The following ATF7IP2 variants were observed in gnomAD, a reference collection of about 807,000 sequenced individuals.
ATF7IP2 encodes activating transcription factor 7-interacting protein 2.
A neutral mutation model predicts 64.2 loss-of-function variants in ATF7IP2; 42 were observed. The ratio of observed to expected loss-of-function variants is 0.65; its 90% CI spans 0.51 to 0.85. ATF7IP2 has a LOEUF of 0.85. Ranked by LOEUF, ATF7IP2 falls within the 40% of genes least tolerant of loss-of-function variation. ATF7IP2 has a pLI of 0.00. For synonymous variants in ATF7IP2, 308 were observed against 272.8 expected (o/e 1.13, Z -1.27); for missense variants, 933 against 784.2 (o/e 1.19, Z -2.27).
At chr16:10,441,427 C>G (rs1352342617) in intron 8 of ATF7IP2, among the ~76,000 whole-genome samples, 2 of 152,134 alleles carry the variant, frequency 1.3e-5, no homozygotes, top group Admixed American at 1.3e-4. Flanking sequence ...TGTTTCCTGA[C>G]TTTTTAATGA....
chr16:10,408,370 C>T (rs973428942), intron 1 of ATF7IP2, among the ~76,000 whole-genome samples: 8 of 152,174 alleles, frequency 5.3e-5, no homozygotes, highest in Admixed American at 3.3e-4. Context: ...GTGGGATTGC[C>T]GGGTCAAATG....
At chr16:10,408,241 T>G (rs1323432410) in intron 1 of ATF7IP2, among the ~76,000 whole-genome samples, 1 of 152,188 alleles carries the variant, frequency 6.6e-6, no homozygotes, top group Non-Finnish European at 1.5e-5. Context: ...ACTCGTTGAT[T>G]AATGGGCATT....
intron 1 of ATF7IP2, among the ~76,000 whole-genome samples, chr16:10,404,992 C>T (rs766474916): frequency 6.6e-6 from 1 of 152,150 alleles, no homozygotes. Flanking sequence ...CTTATAGAAG[C>T]AAATGGTGAG....
At chr16:10,421,701 G>A (rs145530462) in intron 3 of ATF7IP2, among the ~76,000 whole-genome samples, 2,690 of 152,190 alleles carry the variant, frequency 0.018, 37 homozygotes, top group South Asian at 0.049. Context: ...TCTCTAGTGG[G>A]GCAGCACAAA....
intron 1 of ATF7IP2, among the ~76,000 whole-genome samples, chr16:10,412,496 T>G (rs189319719): frequency 6.7e-4 from 102 of 152,328 alleles, no homozygotes; most frequent in Admixed American, 4.8e-3. Context: ...GAAGTTTCCT[T>G]TTGGAGTTGA....
chr16:10,472,820 C>A (rs1357443076), intron 10 of ATF7IP2, among the ~76,000 whole-genome samples: 2 of 147,178 alleles, frequency 1.4e-5, no homozygotes, highest in African/African-American at 5.1e-5. Flanking sequence ...CGTGCTACTG[C>A]ACTCCAGCCT....
At chr16:10,446,752 AG>A (rs2048818505) in intron 8 of ATF7IP2, 1 of 152,024 alleles carries the variant, frequency 6.6e-6, no homozygotes, top group Admixed American at 6.5e-5. Context: ...TATTGCTGCT[AG>A]TGTTATCCTT....
intron 1 of ATF7IP2, among the ~76,000 whole-genome samples, chr16:10,387,978 C>T (rs1465755046): frequency 6.6e-6 from 1 of 152,110 alleles, no homozygotes; most frequent in East Asian, 1.9e-4. Context: ...TCTCGGCTCA[C>T]TGCAACCTCC....
chr16:10,442,916 C>A (rs773680997), intron 8 of ATF7IP2, among the ~76,000 whole-genome samples: 1 of 152,196 alleles, frequency 6.6e-6, no homozygotes, highest in South Asian at 2.1e-4. Flanking sequence ...TCAAACCCTG[C>A]AGCTGTTTGG....
chr16:10,458,609 GGTGA>G (rs1181942076), intron 9 of ATF7IP2, among the ~76,000 whole-genome samples: 1 of 152,212 alleles, frequency 6.6e-6, no homozygotes, highest in East Asian at 1.9e-4. Flanking sequence ...TGGCTTTAAT[GGTGA>G]GTTTTATAAA....
At chr16:10,475,705 C>T (rs1433892934) in intron 12 of ATF7IP2, among the ~76,000 whole-genome samples, 1 of 74,866 alleles carries the variant, frequency 1.3e-5, no homozygotes, top group African/African-American at 5.8e-5. Flanking sequence ...AAAAAAAAAA[C>T]CCAATCTAAG....
chr16:10,424,957 C>A (rs1192210010), intron 3 of ATF7IP2, among the ~76,000 whole-genome samples: 1 of 151,984 alleles, frequency 6.6e-6, no homozygotes, highest in Non-Finnish European at 1.5e-5. Flanking sequence ...TCTAGAGTTA[C>A]CACATGACCA....
intron 8 of ATF7IP2, among the ~76,000 whole-genome samples, chr16:10,453,497 T>A (rs2049057050): frequency 6.6e-6 from 1 of 152,252 alleles, no homozygotes; most frequent in Admixed American, 6.5e-5. Context: ...TCAATCTTAC[T>A]GGGAGCTGCA....
intron 9 of ATF7IP2, among the ~76,000 whole-genome samples, chr16:10,471,686 A>C (rs1030908957): frequency 6.6e-6 from 1 of 152,138 alleles, no homozygotes; most frequent in Non-Finnish European, 1.5e-5. Flanking sequence ...TTTTTAAAAT[A>C]ATTTTCTTTG....
At chr16:10,434,282 A>T (rs1313339907) in intron 6 of ATF7IP2, among the ~76,000 whole-genome samples, 1 of 152,170 alleles carries the variant, frequency 6.6e-6, no homozygotes, top group Non-Finnish European at 1.5e-5. Context: ...AGCGTGTTTC[A>T]GTTCTAGTAG....
intron 9 of ATF7IP2, among the ~76,000 whole-genome samples, chr16:10,470,823 G>GTATATA (rs1340268411): frequency 2.8e-5 from 4 of 143,832 alleles, no homozygotes; most frequent in East Asian, 2.0e-4. Flanking sequence ...ATGTGTGTGT[G>GTATATA]TATATATATA....
At chr16:10,443,241 A>T (rs2048689387) in intron 8 of ATF7IP2, among the ~76,000 whole-genome samples, 1 of 152,206 alleles carries the variant, frequency 6.6e-6, no homozygotes, top group African/African-American at 2.4e-5. Flanking sequence ...GGTCTCCAAG[A>T]AATGCCAAAT....
At chr16:10,394,612 A>T (rs1223176391) in intron 1 of ATF7IP2, among the ~76,000 whole-genome samples, 1 of 152,220 alleles carries the variant, frequency 6.6e-6, no homozygotes, top group Non-Finnish European at 1.5e-5. Flanking sequence ...ATATAGTCAC[A>T]CTAGGCCATG....
At chr16:10,440,615 G>A (rs1293863252) in intron 8 of ATF7IP2, among the ~76,000 whole-genome samples, 153 bp downstream of exon 8, 1 of 152,192 alleles carries the variant, frequency 6.6e-6, no homozygotes, top group African/African-American at 2.4e-5. Context: ...CTCTGGAAAA[G>A]ACACCCTTAG....
Sources: allele counts gnomAD v4.1 joint callset (sites outside exome capture counted in the v4.1 genomes callset), GRCh38; gene constraint gnomAD v4.1.1; transcripts MANE v1.5; gene names NCBI Gene and HGNC (gene_info 2026-07-23, HGNC 2026-07-21).